Variants in UNC5C observed in about 807,000 individuals in gnomAD.
The protein encoded by UNC5C is netrin receptor UNC5C.
UNC5C carries 47 observed loss-of-function variants against 99.8 expected under a neutral mutation model. That is an observed-to-expected ratio of 0.47 (90% CI 0.37 to 0.60). UNC5C has a LOEUF of 0.60. Ranked by LOEUF, UNC5C falls within the 20% of genes least tolerant of loss-of-function variation. UNC5C has a pLI of 0.00. For synonymous variants in UNC5C, 487 were observed against 452.2 expected (o/e 1.08, Z -0.98); for missense variants, 1,062 against 1,165.9 (o/e 0.91, Z 1.30).
intron 4 of UNC5C, among the ~76,000 whole-genome samples, chr4:95,258,202 G>A (rs1740077768): frequency 6.6e-6 from 1 of 152,182 alleles, no homozygotes; most frequent in Non-Finnish European, 1.5e-5. Context: ...TGAATAGTAT[G>A]TAGTTAATTA....
intron 1 of UNC5C, among the ~76,000 whole-genome samples, chr4:95,535,423 G>C (rs186617257): frequency 2.1e-3 from 325 of 152,178 alleles, no homozygotes; most frequent in African/African-American, 7.7e-3. Flanking sequence ...TCATTGTATA[G>C]CATAGACTTA....
chr4:95,372,110 C>T (rs1012042967), intron 1 of UNC5C, among the ~76,000 whole-genome samples: 3 of 152,118 alleles, frequency 2.0e-5, no homozygotes, highest in African/African-American at 4.8e-5. Flanking sequence ...TTGTTTAATG[C>T]TAATTTCCTT....
intron 1 of UNC5C, among the ~76,000 whole-genome samples, chr4:95,362,650 C>T (rs555944227): frequency 6.6e-6 from 1 of 152,306 alleles, no homozygotes; most frequent in Admixed American, 6.5e-5. Context: ...GGATTCCTCA[C>T]TGTTATATCA....
In UNC5C at chr4:95,164,666, T is replaced by G. The variant is rs972227537; in HGVS notation, c.*4568A>C. 2 of 152,240 alleles carry G rather than the reference T, an allele frequency of 1.3e-5. No homozygotes were observed. Among genetic ancestry groups the G allele is most frequent in the Admixed American group, 1.3e-4 (2 of 15,276 alleles). 9.4% of individuals were successfully genotyped at this position (152,240 alleles called of 1,614,324 possible). On this transcript the variant is annotated 3_prime_UTR_variant, in exon 16 of 16. Coordinates refer to ENST00000453304, the MANE Select transcript of UNC5C (RefSeq NM_003728.4). ...TCAACCATTATCTTGAGCAATGATG[T>G]ACTGCTTCACAAAAGCTCTTCCATT...
chr4:95,381,332 T>G (rs1191088097), intron 1 of UNC5C, among the ~76,000 whole-genome samples: 1 of 152,198 alleles, frequency 6.6e-6, no homozygotes, highest in African/African-American at 2.4e-5. Flanking sequence ...ATGTACGGAA[T>G]GGCCTGAAGT....
intron 1 of UNC5C, among the ~76,000 whole-genome samples, chr4:95,493,449 T>G (rs1342182880): frequency 6.6e-6 from 1 of 151,432 alleles, no homozygotes; most frequent in African/African-American, 2.4e-5. Flanking sequence ...TTGTGTACAC[T>G]CTATTTTTAA....
At chr4:95,511,731 T>C (rs1186275449) in intron 1 of UNC5C, among the ~76,000 whole-genome samples, 1 of 152,114 alleles carries the variant, frequency 6.6e-6, no homozygotes, top group East Asian at 1.9e-4. Context: ...CAACACTCCC[T>C]TCCCTTGAAG....
intron 1 of UNC5C, among the ~76,000 whole-genome samples, chr4:95,475,484 T>A (rs1318175728): frequency 6.6e-6 from 1 of 151,996 alleles, no homozygotes; most frequent in Non-Finnish European, 1.5e-5. Flanking sequence ...AGTTGATGGA[T>A]CCTCTCTCTT....
intron 1 of UNC5C, among the ~76,000 whole-genome samples, chr4:95,435,478 A>G (rs1414486573): frequency 6.6e-6 from 1 of 152,110 alleles, no homozygotes. Context: ...AAATTTGAGC[A>G]TGACACAAAT....
intron 1 of UNC5C, among the ~76,000 whole-genome samples, chr4:95,449,188 G>C (rs1254754981): frequency 6.6e-6 from 1 of 152,166 alleles, no homozygotes; most frequent in African/African-American, 2.4e-5. Context: ...ACTGTTACCT[G>C]GCCCTTCTCA....
intron 1 of UNC5C, among the ~76,000 whole-genome samples, chr4:95,473,450 G>A (rs1187673842): frequency 6.6e-6 from 1 of 152,072 alleles, no homozygotes; most frequent in East Asian, 1.9e-4. Context: ...TATGAACAAT[G>A]TGTTGTATCC....
intron 1 of UNC5C, among the ~76,000 whole-genome samples, chr4:95,436,044 C>A (rs1746775199): frequency 1.3e-5 from 2 of 151,912 alleles, no homozygotes; most frequent in South Asian, 2.1e-4. Flanking sequence ...TTTTATGAAG[C>A]TTTTCTCCAC....
Position 95,250,514 on chromosome 4 carries a change from T to G in UNC5C, c.748A>C (p.Ser250Arg). The change falls in exon 5 of 16, where the codon AGT becomes CGT. Residue 250 changes from serine to arginine, a missense_variant. Physicochemically the swap from Ser to Arg is moderately radical, Grantham distance 110. This residue lies in a region of UNC5C where 810 missense variants were observed against 854.5 expected (regional missense o/e 0.95). Coordinates refer to ENST00000453304, the MANE Select transcript of UNC5C (RefSeq NM_003728.4). ...TAGACTATGACAGTGGCAGTTGTAC[T>G]TTTCCTCTTGGCAACAATGTTTTTG... ...VAKNIVAKRK[S>R]TTATVIVYVN... is the part of the protein sequence containing the mutation. 1 of 1,614,012 alleles carries G rather than the reference T, an allele frequency of 6.2e-7. No homozygotes were observed. Among genetic ancestry groups the G allele is most frequent in the Non-Finnish European group, 8.5e-7 (1 of 1,179,956 alleles).
chr4:95,479,018 G>T (rs1188961722), intron 1 of UNC5C, among the ~76,000 whole-genome samples: 1 of 151,904 alleles, frequency 6.6e-6, no homozygotes, highest in Non-Finnish European at 1.5e-5. Flanking sequence ...AAAGCTTCCT[G>T]AAGCCTCACC....
At chr4:95,282,115 C>T (rs1741080198) in intron 3 of UNC5C, among the ~76,000 whole-genome samples, 2 of 152,080 alleles carry the variant, frequency 1.3e-5, no homozygotes, top group South Asian at 2.1e-4. Context: ...ATGGCATCAC[C>T]AGGGAGAGAC....
intron 7 of UNC5C, among the ~76,000 whole-genome samples, chr4:95,230,183 T>TGA (rs1389131139): frequency 1.3e-5 from 2 of 152,196 alleles, no homozygotes; most frequent in African/African-American, 4.8e-5. Flanking sequence ...TCGATTTGCA[T>TGA]TTCTCTAATG....
intron 2 of UNC5C, among the ~76,000 whole-genome samples, chr4:95,321,728 A>T (rs1420597906): frequency 1.3e-5 from 2 of 152,234 alleles, no homozygotes; most frequent in Non-Finnish European, 2.9e-5. Context: ...GATATGGCCT[A>T]GAATATGATT....
At chr4:95,492,431 A>T (rs987509468) in intron 1 of UNC5C, among the ~76,000 whole-genome samples, 3 of 151,348 alleles carry the variant, frequency 2.0e-5, no homozygotes, top group African/African-American at 7.3e-5. Flanking sequence ...GCATCCAGTT[A>T]CTAAGCTGCT....
intron 1 of UNC5C, among the ~76,000 whole-genome samples, chr4:95,460,842 C>T (rs1330226197): frequency 1.3e-5 from 2 of 152,114 alleles, no homozygotes; most frequent in Admixed American, 6.5e-5. Context: ...TTCCTGGGTC[C>T]ACCCACTATT....
Sources: gnomAD v4.1 joint callset for allele counts (sites outside exome capture counted in the v4.1 genomes callset) on GRCh38, gnomAD v4.1.1 for gene constraint, gnomAD v4.1.1 regional missense constraint, MANE v1.5 for transcripts, NCBI Gene and HGNC (gene_info 2026-07-23, HGNC 2026-07-21) for gene names.